The following KIF15 variants were observed in gnomAD, a reference collection of about 807,000 sequenced individuals.
KIF15 encodes kinesin-like protein KIF15.
A neutral mutation model predicts 190.6 loss-of-function variants in KIF15; 140 were observed. That is an observed-to-expected ratio of 0.73 (90% confidence interval 0.64 to 0.84). The LOEUF (loss-of-function observed/expected upper bound fraction) is 0.84. KIF15 is among the 40% of genes least tolerant of loss of function. The pLI is 0.00. For missense variants in KIF15, 1,372 were observed against 1,584.4 expected (o/e 0.87, Z 2.28); for synonymous variants, 528 against 551.3 (o/e 0.96, Z 0.59).
chr3:44,858,268 G>A (rs905045339), intron 6 of KIF15, among the ~76,000 whole-genome samples: 12 of 152,190 alleles, frequency 7.9e-5, no homozygotes, highest in Admixed American at 2.6e-4. Flanking sequence ...TTGATAAGGC[G>A]CAGATCCTGA....
At chr3:44,823,096 T>G (rs1216674054) in intron 20 of KIF15, among the ~76,000 whole-genome samples, 1 of 152,228 alleles carries the variant, frequency 6.6e-6, no homozygotes, top group Non-Finnish European at 1.5e-5. Flanking sequence ...GCTCTGGTTT[T>G]TAGAATTTTC....
Position 44,778,097 on chromosome 3 carries a change from GT to G in KIF15, c.247-15del. 6.2e-7 allele frequency: 1 copy of G among 1,601,456 alleles called. No homozygotes were observed. The highest frequency in any genetic ancestry group is 1.1e-5 in the South Asian group (1 of 90,816). ...TTTCATTTTTATGATATGTTAACATGTTTGGTTACATTTGTAGGAATCTGTA... is the reference window on the plus strand; with the variant it reads ...TTTCATTTTTATGATATGTTAACATGTTGGTTACATTTGTAGGAATCTGTA... On this transcript the variant is annotated splice_polypyrimidine_tract_variant and intron_variant, in intron 3 of 34. Coordinates refer to ENST00000326047, the MANE Select transcript of KIF15 (RefSeq NM_020242.3).
intron 4 of KIF15, among the ~76,000 whole-genome samples, chr3:44,778,577 G>C (rs1489324838): frequency 6.6e-6 from 1 of 152,194 alleles, no homozygotes; most frequent in East Asian, 1.9e-4. Flanking sequence ...CTAATGATTA[G>C]ATTGGCCCCT....
At chr3:44,785,998 C>T (rs756407331) in intron 6 of KIF15, among the ~76,000 whole-genome samples, 29 of 152,080 alleles carry the variant, frequency 1.9e-4, no homozygotes, top group Non-Finnish European at 3.8e-4. Flanking sequence ...AGGCAAATCA[C>T]GAGGTCAGGA....
chr3:44,834,384 G>A (rs942978392), intron 26 of KIF15, among the ~76,000 whole-genome samples: 5 of 152,066 alleles, frequency 3.3e-5, no homozygotes, highest in Non-Finnish European at 7.4e-5. Flanking sequence ...GTGTCTACAT[G>A]GAGACTCCAA....
At chr3:44,826,232 C>G (rs1697636117) in intron 21 of KIF15, 43 bp downstream of exon 21, 1 of 1,561,030 alleles carries the variant, frequency 6.4e-7, no homozygotes, top group African/African-American at 1.4e-5. Context: ...TGTGACTGTC[C>G]TTTTGAGTGT....
At chr3:44,828,539 C>T (rs191974551) in intron 24 of KIF15, among the ~76,000 whole-genome samples, 118 of 152,260 alleles carry the variant, frequency 7.7e-4, no homozygotes, top group Admixed American at 1.3e-3. Flanking sequence ...GTTTCTAAAA[C>T]GCATCCTACC....
At chr3:44,865,027 C>T (rs563400889) in intron 6 of KIF15, 1 of 1,613,786 alleles carries the variant, frequency 6.2e-7, no homozygotes, top group African/African-American at 1.3e-5. Flanking sequence ...TCACAGCTAT[C>T]TTTGTCTCGC....
At position 44,802,982 on chromosome 3, in the gene KIF15, A is replaced by C; in HGVS notation, c.1678A>C (p.Ser560Arg). 6.3e-7 allele frequency: 1 copy of C among 1,592,566 alleles called. No homozygotes were observed. The highest frequency in any genetic ancestry group is 8.5e-7 in the Non-Finnish European group (1 of 1,174,112). The stretch of plus-strand genomic sequence containing the variant: ...CTCTGAAATAAGTGGCATGGAGAAA[A>C]GTGACAAAAGTAAGAAATGATTGTT... ...AFSEISGMEK[S>R]DKNQQGFSPK... Residue 560 changes from serine to arginine, a missense_variant, in exon 14 of 35, where the codon AGT (serine) becomes CGT (arginine). By Grantham distance (110) the Ser-to-Arg change is moderately radical. Coordinates refer to ENST00000326047, the MANE Select transcript of KIF15 (RefSeq NM_020242.3).
intron 30 of KIF15, among the ~76,000 whole-genome samples, chr3:44,847,147 A>C (rs1007527667): frequency 3.9e-5 from 6 of 152,216 alleles, no homozygotes; most frequent in Non-Finnish European, 8.8e-5. Flanking sequence ...TTGAGGACTC[A>C]TTACCATTTT....
intron 20 of KIF15, among the ~76,000 whole-genome samples, chr3:44,818,261 C>T (rs1295162831): frequency 1.3e-5 from 2 of 152,136 alleles, no homozygotes; most frequent in Non-Finnish European, 2.9e-5. Flanking sequence ...TTGCCCTGGC[C>T]AGAACTTCCA....
At position 44,775,377 on chromosome 3, in the gene KIF15, C is replaced by T. The variant is rs766861823; in HGVS notation, c.186C>T (p.His62=). ...SVLSSTSLRL[H]SNPEPKTFTF... is the part of the protein sequence containing the mutation. ...TGTCCTCCACGAGTCTCCGGCTGCA[C>T]TCCAACCCTGAGCCCAAGACCTTCA... Residue 62 remains histidine (H), a synonymous_variant, in exon 3 of 35, where the codon CAC becomes CAT. Transcript: ENST00000326047. 6 of 1,614,072 alleles carry T rather than the reference C, an allele frequency of 3.7e-6. No individual in the cohort carries two copies. The highest frequency in any genetic ancestry group is 4.5e-5 in the East Asian group (2 of 44,864).
At chr3:44,775,217 A>G (rs1376784095) in intron 2 of KIF15, 37 bp from the exon 3 acceptor site, 20 of 1,543,834 alleles carry the variant, frequency 1.3e-5, no homozygotes, top group Non-Finnish European at 1.5e-5. Context: ...TTCTTCTTCA[A>G]TAAACTGAAC....
Position 44,828,232 on chromosome 3 carries a change from C to T in KIF15, c.2875C>T (p.Leu959=). ...ACCATAGATGGCAAAAGTACAGAAA[C>T]TAGAAGAGAGCTTGCTTGCTACTGA... is the stretch of plus-strand genomic sequence containing the variant. The part of the protein sequence containing the change: ...CEQQMAKVQK[L]EESLLATEKV... The change falls in exon 24 of 35, where the codon CTA becomes TTA. Residue 959 remains leucine, a synonymous_variant. Transcript: ENST00000326047. The T allele has an allele frequency of 1.2e-6, 2 of 1,613,354 alleles. No homozygotes were observed. Among genetic ancestry groups the T allele is most frequent in the East Asian group, 2.2e-5 (1 of 44,840 alleles).
chr3:44,843,262 G>C (rs893867847), intron 30 of KIF15, 28 bp downstream of exon 30: 1 of 1,487,404 alleles, frequency 6.7e-7, no homozygotes, highest in Middle Eastern at 1.7e-4. Flanking sequence ...GAACTCTATG[G>C]GCTAAATCTT....
chr3:44,840,508 A>G (rs1230156713), intron 28 of KIF15, 52 bp downstream of exon 28: 3 of 1,357,274 alleles, frequency 2.2e-6, no homozygotes, highest in South Asian at 2.5e-5. Context: ...TTTGTAAATG[A>G]TAAAAATTTG....
intron 18 of KIF15, among the ~76,000 whole-genome samples, chr3:44,812,765 G>A (rs1482099988): frequency 1.3e-5 from 2 of 152,102 alleles, no homozygotes; most frequent in African/African-American, 4.8e-5. Context: ...CAGGTGGATC[G>A]TCTGAGGTCA....
intron 26 of KIF15, among the ~76,000 whole-genome samples, chr3:44,833,009 C>CAAA (rs11339810): frequency 1.2e-5 from 1 of 85,200 alleles, no homozygotes; most frequent in African/African-American, 4.0e-5. Flanking sequence ...GACTCCATCT[C>CAAA]AAAAAAAAAA....
chr3:44,782,082 C>G (rs1048162785), intron 5 of KIF15, among the ~76,000 whole-genome samples: 2 of 151,690 alleles, frequency 1.3e-5, no homozygotes, highest in African/African-American at 4.8e-5. Flanking sequence ...CGGAGCCTGC[C>G]CCTGTCGCCT....
Sources: allele counts gnomAD v4.1 joint callset (sites outside exome capture counted in the v4.1 genomes callset), GRCh38; gene constraint gnomAD v4.1.1; transcripts MANE v1.5; gene names NCBI Gene and HGNC (gene_info 2026-07-23, HGNC 2026-07-21).